Variants in C8orf34 observed in about 807,000 individuals in gnomAD.
C8orf34 encodes the protein chromosome 8 open reading frame 34, also known as uncharacterized protein C8orf34.
A neutral mutation model predicts 68.3 loss-of-function variants in C8orf34; 65 were observed. The ratio of observed to expected loss-of-function variants is 0.95; its 90% CI spans 0.78 to 1.17. The LOEUF is 1.17. Among genes scored for constraint, C8orf34 ranks in the 50% most tolerant of loss-of-function variants. The pLI, the probability that C8orf34 is intolerant of heterozygous loss-of-function variation, is 0.00. For synonymous variants in C8orf34, 244 were observed against 241.2 expected (o/e 1.01, Z -0.11); for missense variants, 664 against 655.4 (o/e 1.01, Z -0.14).
intron 7 of C8orf34, among the ~76,000 whole-genome samples, chr8:68,571,965 C>T (rs761156624): frequency 6.6e-6 from 1 of 152,058 alleles, no homozygotes; most frequent in Non-Finnish European, 1.5e-5. Flanking sequence ...AGTGTACTTA[C>T]ACGAACCTAC....
chr8:68,561,478 C>T (rs560256274), intron 7 of C8orf34, among the ~76,000 whole-genome samples: 30 of 152,094 alleles, frequency 2.0e-4, no homozygotes, highest in East Asian at 1.2e-3. Flanking sequence ...GGCACAAGTC[C>T]GGGCGCAGCA....
At chr8:68,647,033 A>G (rs1440822058) in intron 8 of C8orf34, among the ~76,000 whole-genome samples, 1 of 152,208 alleles carries the variant, frequency 6.6e-6, no homozygotes, top group Non-Finnish European at 1.5e-5. Flanking sequence ...AAATATTTGT[A>G]AACCATACTC....
chr8:68,459,515 G>A (rs1389912601), intron 3 of C8orf34, among the ~76,000 whole-genome samples: 1 of 152,112 alleles, frequency 6.6e-6, no homozygotes, highest in Non-Finnish European at 1.5e-5. Flanking sequence ...ACAGGCGTGA[G>A]CCACCGTGCC....
At chr8:68,586,037 T>G (rs929789717) in intron 7 of C8orf34, among the ~76,000 whole-genome samples, 7 of 152,112 alleles carry the variant, frequency 4.6e-5, no homozygotes, top group Non-Finnish European at 1.0e-4. Flanking sequence ...TTACCACCTA[T>G]TAATACAAAG....
intron 11 of C8orf34, among the ~76,000 whole-genome samples, chr8:68,785,205 GA>G (rs796514071): frequency 4.2e-4 from 61 of 145,786 alleles, no homozygotes; most frequent in African/African-American, 1.1e-3. Flanking sequence ...GTCTGTCTCA[GA>G]AAAAAAAAAG....
chr8:68,718,630 C>T (rs1821543970), intron 9 of C8orf34, among the ~76,000 whole-genome samples: 1 of 152,142 alleles, frequency 6.6e-6, no homozygotes, highest in Non-Finnish European at 1.5e-5. Context: ...ACTGTGCATC[C>T]ACATTGAACT....
At chr8:68,683,997 C>CA (rs1035721777) in intron 8 of C8orf34, among the ~76,000 whole-genome samples, 1 of 152,092 alleles carries the variant, frequency 6.6e-6, no homozygotes, top group African/African-American at 2.4e-5. Flanking sequence ...GATTTTAAAA[C>CA]AAAAAACCTA....
chr8:68,475,789 G>T (rs1812588043), intron 4 of C8orf34, among the ~76,000 whole-genome samples: 1 of 152,126 alleles, frequency 6.6e-6, no homozygotes, highest in Non-Finnish European at 1.5e-5. Flanking sequence ...GTGTTCTCTG[G>T]GTCTAATGCT....
chr8:68,540,068 A>T (rs1486509852), intron 7 of C8orf34, among the ~76,000 whole-genome samples: 2 of 152,066 alleles, frequency 1.3e-5, no homozygotes, highest in Non-Finnish European at 2.9e-5. Context: ...AAATCTTATG[A>T]TTTTTCTTTT....
chr8:68,337,344 T>C (rs1003710573), intron 1 of C8orf34, among the ~76,000 whole-genome samples: 3 of 152,216 alleles, frequency 2.0e-5, no homozygotes, highest in South Asian at 2.1e-4. Flanking sequence ...CTGACAATCA[T>C]GTATAACCTG....
chr8:68,622,621 A>G (rs956854915), intron 7 of C8orf34, among the ~76,000 whole-genome samples: 2 of 152,216 alleles, frequency 1.3e-5, no homozygotes, highest in Non-Finnish European at 2.9e-5. Context: ...TTTCATAAAG[A>G]AGATAAATAT....
In C8orf34 at chr8:68,331,080, C is replaced by A. The variant is rs1321361812; in HGVS notation, c.68C>A (p.Ala23Glu). 6.9e-7 allele frequency: 1 copy of A among 1,445,192 alleles called. No homozygotes were observed. 89.5% of individuals were successfully genotyped at this position (1,445,192 alleles called of 1,614,324 possible). ...AALRPGFRLS[A>E]PHARVAPRAA... ...CTGCGCCCAGGCTTCCGGCTCTCAGCGCCCCACGCGCGCGTGGCTCCCCGG... is the reference window on the plus strand; with the variant it reads ...CTGCGCCCAGGCTTCCGGCTCTCAGAGCCCCACGCGCGCGTGGCTCCCCGG... The change falls in exon 1 of 14, where the codon GCG (alanine) becomes GAG (glutamate). Residue 23 changes from alanine (A) to glutamate (E), a missense_variant. By Grantham distance (107) the Ala-to-Glu change is moderately radical. Coordinates refer to ENST00000518698, the MANE Select transcript of C8orf34 (RefSeq NM_052958.4).
chr8:68,659,284 T>A (rs551200496), intron 8 of C8orf34, among the ~76,000 whole-genome samples: 1 of 152,306 alleles, frequency 6.6e-6, no homozygotes, highest in African/African-American at 2.4e-5. Context: ...TGATTTAATA[T>A]TGGAGCACTT....
Position 68,818,485 on chromosome 8 carries a change from G to A in C8orf34, c.*239G>A, listed in dbSNP as rs1432021886. 1 of 460,786 alleles carries A rather than the reference G, an allele frequency of 2.2e-6. No individual in the cohort carries two copies. Among genetic ancestry groups the A allele is most frequent in the Non-Finnish European group, 3.9e-6 (1 of 256,334 alleles). The allele number at this position is 460,786 out of a possible 1,614,324, so 28.5% of individuals were successfully genotyped here. On this transcript the variant is annotated 3_prime_UTR_variant, in exon 14 of 14. Transcript: ENST00000518698. ...CCGGCTGCCTTTTGACATGGTTAGA[G>A]TCCTGGGTTTAGATTACTTTATAAA... is the stretch of plus-strand genomic sequence containing the variant.
intron 5 of C8orf34, among the ~76,000 whole-genome samples, chr8:68,510,908 G>C (rs759362786): frequency 6.6e-5 from 10 of 152,114 alleles, no homozygotes; most frequent in Non-Finnish European, 1.5e-4. Flanking sequence ...CGGCCTGTTA[G>C]AAAGTGACAT....
intron 11 of C8orf34, among the ~76,000 whole-genome samples, chr8:68,787,229 G>A (rs1219755506): frequency 2.0e-5 from 3 of 151,968 alleles, no homozygotes; most frequent in Admixed American, 6.6e-5. Context: ...GACTCTAAAT[G>A]TTATTAAAAG....
In C8orf34 at chr8:68,394,748, A is replaced by G. The variant is rs147035612; in HGVS notation, c.328-44751A>G. 5.4e-3 allele frequency among the ~76,000 whole-genome samples: 827 copies of G among 152,270 alleles called. 6 individuals carry two copies. Among genetic ancestry groups the G allele is most frequent in the African/African-American group, 0.018 (731 of 41,562 alleles). ...AGTTCCGTAATTTAGTACTAAAAAT[A>G]GTGACATTTCTGCTGTTGCCATCTA... On this transcript the variant is annotated intron_variant, in intron 1 of 13. Transcript: ENST00000518698.
intron 10 of C8orf34, among the ~76,000 whole-genome samples, chr8:68,722,264 G>A (rs143224749): frequency 2.0e-3 from 305 of 152,020 alleles, no homozygotes; most frequent in African/African-American, 7.1e-3. Context: ...TAACACCAGT[G>A]ATACATCACA....
At chr8:68,802,783 C>T (rs764974807) in intron 12 of C8orf34, among the ~76,000 whole-genome samples, 3 of 152,148 alleles carry the variant, frequency 2.0e-5, no homozygotes, top group Admixed American at 6.5e-5. Context: ...TTTCGGGCTA[C>T]AGGCATGCAC....
Sources: allele counts gnomAD v4.1 joint callset (sites outside exome capture counted in the v4.1 genomes callset), GRCh38; gene constraint gnomAD v4.1.1; transcripts MANE v1.5; gene names NCBI Gene and HGNC (gene_info 2026-07-23, HGNC 2026-07-21).